Variants in LY9 observed in about 807,000 individuals in gnomAD.
LY9 encodes T-lymphocyte surface antigen Ly-9.
LY9 carries 59 observed loss-of-function variants against 64.6 expected under a neutral mutation model. The ratio of observed to expected loss-of-function variants is 0.91; its 90% confidence interval spans 0.74 to 1.13. The LOEUF (loss-of-function observed/expected upper bound fraction) is 1.13, where lower values mean the gene tolerates loss of function less well. Among genes scored for constraint, LY9 ranks in the 50% most tolerant of loss-of-function variants. LY9 has a pLI of 0.00. For synonymous variants in LY9, 281 were observed against 308.5 expected (o/e 0.91, Z 0.93); for missense variants, 789 against 797.2 (o/e 0.99, Z 0.12).
intron 6 of LY9, 131 bp from the exon 7 acceptor site, chr1:160,819,190 C>A: frequency 2.7e-6 from 2 of 736,794 alleles, no homozygotes; most frequent in African/African-American, 1.7e-5. Context: ...CAGGGTTCAT[C>A]CTCCTTCCTG....
chr1:160,824,221 C>A lies in LY9; in HGVS notation c.1871C>A (p.Thr624Lys), dbSNP rs369839095. ...PVSQKEESSATIYCSIRKPQV... is the reference protein window; with the variant it reads ...PVSQKEESSAKIYCSIRKPQV... ...TCTCAGAAGGAAGAGAGCTCAGCCA[C>A]AATCTACTGCTCCATACGGAAACCT... The change falls in exon 9 of 10, where the codon ACA (threonine) becomes AAA (lysine). Residue 624 changes from threonine to lysine, a missense_variant. Thr to Lys is a moderately conservative substitution (Grantham distance 78). Transcript: ENST00000263285. 3.1e-6 allele frequency: 5 copies of A among 1,614,068 alleles called. No homozygotes were observed. The African/African-American group carries it at 6.7e-5, about 22-fold the overall frequency.
intron 9 of LY9, chr1:160,824,556 C>T: frequency 1.0e-6 from 1 of 984,890 alleles, no homozygotes. Flanking sequence ...TTAAATCTAT[C>T]TCTAACCCTA....
At chr1:160,804,774 G>C (rs1481537165) in intron 2 of LY9, among the ~76,000 whole-genome samples, 1 of 152,024 alleles carries the variant, frequency 6.6e-6, no homozygotes, top group Non-Finnish European at 1.5e-5. Flanking sequence ...ACTTGTCGTT[G>C]GTGTCTGTTC....
intron 2 of LY9, chr1:160,811,619 C>T (rs1571010847): frequency 6.6e-6 from 1 of 152,328 alleles, no homozygotes; most frequent in Non-Finnish European, 1.5e-5. Context: ...TTCTGCTTTC[C>T]ACAAAACACT....
Position 160,823,709 on chromosome 1 carries a change from A to C in LY9, c.1743A>C (p.Ala581=), listed in dbSNP as rs753279116. The part of the protein sequence containing the change: ...AGHDPAPEGQ[A]DYDPVTPYVT... ...ATGACCCAGCCCCTGAGGGCCAAGCAGACTATGATCCCGTCACTCCATATG... is the reference window on the plus strand; with the variant it reads ...ATGACCCAGCCCCTGAGGGCCAAGCCGACTATGATCCCGTCACTCCATATG... Residue 581 remains alanine (A), a synonymous_variant, in exon 8 of 10, where the codon GCA becomes GCC. Coordinates refer to ENST00000263285, the MANE Select transcript of LY9 (RefSeq NM_002348.4). 1.2e-6 allele frequency: 2 copies of C among 1,614,184 alleles called. No individual in the cohort carries two copies. The highest frequency in any genetic ancestry group is 8.5e-7 in the Non-Finnish European group (1 of 1,180,024).
chr1:160,821,150 C>CAAAAAAAAAAAAAAA (rs1668398618), intron 7 of LY9, among the ~76,000 whole-genome samples: 2 of 3,060 alleles, frequency 6.5e-4, no homozygotes, highest in South Asian at 0.017. Context: ...TGAAACTTTG[C>CAAAAAAAAAAAAAAA]TAAAAAAAAA....
intron 2 of LY9, among the ~76,000 whole-genome samples, chr1:160,801,156 GT>G (rs1666438178): frequency 6.6e-6 from 1 of 151,952 alleles, no homozygotes; most frequent in Non-Finnish European, 1.5e-5. Context: ...GTTTTGCATA[GT>G]GGCTGTACTG....
chr1:160,818,404 C>A, intron 6 of LY9, 85 bp downstream of exon 6: 9 of 937,086 alleles, frequency 9.6e-6, no homozygotes, highest in Non-Finnish European at 1.5e-5. Context: ...CACACAATCC[C>A]GTGCTACCCC....
At chr1:160,826,545 G>A (rs932731890) in intron 9 of LY9, among the ~76,000 whole-genome samples, 2 of 152,184 alleles carry the variant, frequency 1.3e-5, no homozygotes, top group Non-Finnish European at 2.9e-5. Flanking sequence ...AACCTCCTGC[G>A]TAAATGGGTT....
chr1:160,824,347 G>T (rs1668723367), intron 9 of LY9, 98 bp downstream of exon 9: 6 of 1,558,510 alleles, frequency 3.8e-6, no homozygotes, highest in South Asian at 3.7e-5. Context: ...CATGGCTAAG[G>T]ATCTTAAATT....
rs74124285 is a variant in LY9 at position 160,818,277 on chromosome 1, G to T, written c.1402G>T (p.Val468Phe). Residue 468 changes from valine (V) to phenylalanine (F), a missense_variant, in exon 6 of 10, where the codon GTT becomes TTT. Physicochemically the swap from Val to Phe is conservative, Grantham distance 50. Transcript: ENST00000263285. Reference protein sequence around the residue: ...GLFLMVCLLCVGIFSWCIWKR... With the variant: ...GLFLMVCLLCFGIFSWCIWKR... ...GTTCCTGATGGTTTGCCTTCTGTGCGTTGGGATCTTCAGCTGGTGCATTTG... is the reference window on the plus strand; with the variant it reads ...GTTCCTGATGGTTTGCCTTCTGTGCTTTGGGATCTTCAGCTGGTGCATTTG... 3 of 1,613,944 alleles carry T rather than the reference G, an allele frequency of 1.9e-6. No individual in the cohort carries two copies. The highest frequency in any genetic ancestry group is 1.7e-6 in the Non-Finnish European group (2 of 1,180,012).
At position 160,800,036 on chromosome 1, in the gene LY9, G is replaced by A. The variant is rs558633490; in HGVS notation, c.408G>A (p.Arg136=). The A allele has an allele frequency of 6.2e-7, 1 of 1,614,120 alleles. No individual in the cohort carries two copies. Among genetic ancestry groups the A allele is most frequent in the Admixed American group, 1.7e-5 (1 of 60,000 alleles). ...CCTACAAAGCCCAGATAAACCAAAG[G>A]AATTTTGAAGTCACCACTGAGGAGG... The part of the protein sequence containing the change: ...AGSYKAQINQ[R]NFEVTTEEEF... Residue 136 remains arginine (R), a synonymous_variant, in exon 2 of 10, where the codon AGG becomes AGA. Coordinates refer to ENST00000263285, the MANE Select transcript of LY9 (RefSeq NM_002348.4).
At chr1:160,827,413 G>C (rs1051733069) in intron 9 of LY9, among the ~76,000 whole-genome samples, 1 of 152,168 alleles carries the variant, frequency 6.6e-6, no homozygotes, top group Non-Finnish European at 1.5e-5. Flanking sequence ...ATAAATGTTC[G>C]TTTTGTTTCT....
chr1:160,814,515 G>T lies in LY9; in HGVS notation c.826G>T (p.Asp276Tyr). 1 of 1,614,150 alleles carries T rather than the reference G, an allele frequency of 6.2e-7. No homozygotes were observed. The highest frequency in any genetic ancestry group is 2.2e-5 in the East Asian group (1 of 44,878). Reference protein sequence around the residue: ...TLPLALPACRDTEKVVWLFNT... With the variant: ...TLPLALPACRYTEKVVWLFNT... Reference sequence around the variant, plus strand: ...GCCACTTGCACTCCCAGCCTGCCGGGACACAGAGAAGGTTGTCTGGTTGTT... The same window carrying T: ...GCCACTTGCACTCCCAGCCTGCCGGTACACAGAGAAGGTTGTCTGGTTGTT... The change falls in exon 4 of 10, where the codon GAC becomes TAC. Residue 276 changes from aspartate to tyrosine, a missense_variant. Physicochemically the swap from Asp to Tyr is radical, Grantham distance 160. Coordinates refer to ENST00000263285, the MANE Select transcript of LY9 (RefSeq NM_002348.4).
chr1:160,823,247 A>G (rs1308572779), intron 7 of LY9, among the ~76,000 whole-genome samples: 1 of 152,196 alleles, frequency 6.6e-6, no homozygotes, highest in East Asian at 1.9e-4. Context: ...CACATGTCAT[A>G]TTTAATATTT....
chr1:160,801,924 G>GC (rs1558084732), intron 2 of LY9: 1 of 1,603,256 alleles, frequency 6.2e-7, no homozygotes, highest in Admixed American at 1.7e-5. Context: ...CTAGGCCCTC[G>GC]CCCCCACCTG....
intron 1 of LY9, among the ~76,000 whole-genome samples, chr1:160,797,934 A>G (rs985427219): frequency 6.6e-6 from 1 of 152,168 alleles, no homozygotes; most frequent in African/African-American, 2.4e-5. Context: ...TGTTATTATT[A>G]TAATTACTGT....
At chr1:160,813,461 A>G (rs1172858283) in intron 2 of LY9, 175 bp from the exon 3 acceptor site, 3 of 613,164 alleles carry the variant, frequency 4.9e-6, no homozygotes, top group Non-Finnish European at 8.6e-6. Context: ...AGCGGATGTT[A>G]TGGGAGTACA....
intron 2 of LY9, among the ~76,000 whole-genome samples, chr1:160,809,333 T>TTTATTATTATTATTA (rs138398905): frequency 1.8e-4 from 25 of 140,264 alleles, no homozygotes; most frequent in African/African-American, 6.0e-4. Context: ...AAATCCTGAA[T>TTTATTATTATTATTA]TTATTATTAT....
Sources: allele counts gnomAD v4.1 joint callset (sites outside exome capture counted in the v4.1 genomes callset), GRCh38; gene constraint gnomAD v4.1.1; transcripts MANE v1.5; gene names NCBI Gene and HGNC (gene_info 2026-07-23, HGNC 2026-07-21).